DCBLD2: variants seen among roughly 807,000 people sequenced by gnomAD.
DCBLD2 encodes discoidin, CUB and LCCL domain containing 2.
Under a neutral mutation model 86.8 loss-of-function variants are expected in DCBLD2, and 54 were observed. The observed-to-expected ratio is 0.62, with a 90% CI of 0.50 to 0.78. The LOEUF (loss-of-function observed/expected upper bound fraction) is 0.78. Ranked by LOEUF, DCBLD2 falls within the 30% of genes least tolerant of loss-of-function variation. DCBLD2 has a pLI of 0.00. For missense variants in DCBLD2, 908 were observed against 954.2 expected, an observed-to-expected ratio of 0.95 and a Z score of 0.64; for synonymous variants, 354 against 341.3, an observed-to-expected ratio of 1.04 and a Z score of -0.41.
At chr3:98,868,669 AC>A (rs1488561964) in intron 2 of DCBLD2, among the ~76,000 whole-genome samples, 2 of 152,018 alleles carry the variant, frequency 1.3e-5, no homozygotes, top group Non-Finnish European at 2.9e-5. Context: ...TTATTTATCC[AC>A]AAGGTTAGTC....
chr3:98,836,894 G>T (rs1355787244), intron 3 of DCBLD2, among the ~76,000 whole-genome samples: 3 of 76,832 alleles, frequency 3.9e-5, no homozygotes, highest in African/African-American at 1.5e-4. Flanking sequence ...CCTCCCTCCC[G>T]GAGGGGGCGG....
chr3:98,833,261 T>G, intron 3 of DCBLD2, among the ~76,000 whole-genome samples: 1 of 152,216 alleles, frequency 6.6e-6, no homozygotes, highest in East Asian at 1.9e-4. Context: ...ATTCTTGTAG[T>G]GTGTTTTTCA....
chr3:98,849,338 C>A, intron 3 of DCBLD2, 123 bp downstream of exon 3: 1 of 1,197,498 alleles, frequency 8.4e-7, no homozygotes, highest in Non-Finnish European at 1.2e-6. Context: ...TATATATGTG[C>A]TATTAATTGT....
Position 98,882,131 on chromosome 3 carries a change from G to A in DCBLD2, c.206-364C>T, listed in dbSNP as rs553548194. On this transcript the variant is annotated intron_variant, in intron 1 of 15. Coordinates refer to ENST00000326840, the MANE Select transcript of DCBLD2 (RefSeq NM_080927.4). ...TTAACAAATCACAAGACCTGACATT[G>A]TTCTTAGTATATCTATTCACAGGAG... 2.4e-4 allele frequency among the ~76,000 whole-genome samples: 37 copies of A among 152,236 alleles called. No individual in the cohort carries two copies. In the South Asian group the frequency reaches 7.5e-3, roughly 31 times the overall value.
chr3:98,882,804 C>G (rs1367990398), intron 1 of DCBLD2, among the ~76,000 whole-genome samples: 3 of 152,184 alleles, frequency 2.0e-5, no homozygotes, highest in Non-Finnish European at 4.4e-5. Context: ...GCCACATTTT[C>G]TTTATCCAGT....
chr3:98,854,244 T>G (rs1157202443), intron 2 of DCBLD2, among the ~76,000 whole-genome samples: 1 of 152,196 alleles, frequency 6.6e-6, no homozygotes, highest in Non-Finnish European at 1.5e-5. Context: ...CCATAGATGC[T>G]ATCATTAAAT....
intron 2 of DCBLD2, among the ~76,000 whole-genome samples, chr3:98,871,521 T>G (rs1372687996): frequency 2.0e-5 from 3 of 152,184 alleles, no homozygotes; most frequent in Non-Finnish European, 4.4e-5. Flanking sequence ...ATGCTTTTTC[T>G]TCATCTACTG....
chr3:98,874,645 G>C (rs1943337443), intron 2 of DCBLD2, among the ~76,000 whole-genome samples: 1 of 152,164 alleles, frequency 6.6e-6, no homozygotes, highest in African/African-American at 2.4e-5. Context: ...AATATGACTA[G>C]AGTTGGAGTT....
intron 13 of DCBLD2, among the ~76,000 whole-genome samples, chr3:98,806,512 C>A (rs934904951): frequency 2.0e-5 from 3 of 152,194 alleles, no homozygotes; most frequent in Middle Eastern, 3.4e-3. Flanking sequence ...GCTTAGACAG[C>A]CTGTTCATGA....
In DCBLD2 at chr3:98,806,470, C is replaced by T. The variant is rs569475198; in HGVS notation, c.1670+1611G>A. 1.1e-4 allele frequency among the ~76,000 whole-genome samples: 17 copies of T among 152,116 alleles called. No homozygotes were observed. In the East Asian group the frequency reaches 3.1e-3, roughly 28 times the overall value. On this transcript the variant is annotated intron_variant, in intron 13 of 15. Transcript: ENST00000326840. ...AATTTCCTAAAGTCCTTTCCTTTCC[C>T]TATTGTTCTCATACTAATTTGCTGT...
intron 12 of DCBLD2, among the ~76,000 whole-genome samples, chr3:98,809,543 C>A (rs1941900251): frequency 6.6e-6 from 1 of 151,960 alleles, no homozygotes; most frequent in Non-Finnish European, 1.5e-5. Flanking sequence ...GTAGGCTCCA[C>A]AAAAAGGGAG....
intron 3 of DCBLD2, among the ~76,000 whole-genome samples, chr3:98,848,579 T>A (rs1158011618): frequency 6.6e-6 from 1 of 152,208 alleles, no homozygotes; most frequent in Non-Finnish European, 1.5e-5. Context: ...TGACTTACAC[T>A]CCCACAAACA....
chr3:98,900,964 T>C (rs956569130), intron 1 of DCBLD2, 158 bp downstream of exon 1: 4 of 1,299,520 alleles, frequency 3.1e-6, no homozygotes, highest in Non-Finnish European at 3.1e-6. Context: ...GGCAAGACCT[T>C]GCCTTTGCAA....
intron 13 of DCBLD2, among the ~76,000 whole-genome samples, chr3:98,807,142 C>A (rs1941855604): frequency 6.6e-6 from 1 of 152,172 alleles, no homozygotes; most frequent in Non-Finnish European, 1.5e-5. Flanking sequence ...CCAGACTGAA[C>A]CTCTATGGTT....
intron 2 of DCBLD2, among the ~76,000 whole-genome samples, chr3:98,861,281 C>G (rs1559790313): frequency 6.7e-6 from 1 of 149,200 alleles, no homozygotes; most frequent in African/African-American, 2.5e-5. Flanking sequence ...TAATGGGAGA[C>G]TTTTAACACC....
At chr3:98,840,741 G>A (rs1193066999) in intron 3 of DCBLD2, among the ~76,000 whole-genome samples, 1 of 152,082 alleles carries the variant, frequency 6.6e-6, no homozygotes, top group East Asian at 1.9e-4. Context: ...ATCCTCCCAC[G>A]TCAACCTCCC....
At chr3:98,815,968 A>G (rs1026127108) in intron 9 of DCBLD2, 1 of 151,652 alleles carries the variant, frequency 6.6e-6, no homozygotes, top group Non-Finnish European at 1.5e-5. Context: ...TTTGAAAAAA[A>G]AAGAACTACA....
In DCBLD2 at chr3:98,901,624, G is replaced by C. The variant is rs929198841; in HGVS notation, c.-298C>G. On this transcript the variant is annotated 5_prime_UTR_variant, in exon 1 of 16. Transcript: ENST00000326840. ...GGCGGAGCTAAGGAACGTGCCTCCC[G>C]CGCCGCGCTCCTCACCAGGGTCGCC... 4.2e-6 allele frequency: 1 copy of C among 236,276 alleles called. No homozygotes were observed. The highest frequency in any genetic ancestry group is 8.1e-6 in the Non-Finnish European group (1 of 123,112). The allele number at this position is 236,276 out of a possible 1,614,324, so 14.6% of individuals were successfully genotyped here. A position where few individuals can be genotyped will look rare whatever the true frequency, so the allele number is the denominator to read the frequency against.
chr3:98,867,490 A>G (rs981994590), intron 2 of DCBLD2, among the ~76,000 whole-genome samples: 2 of 152,192 alleles, frequency 1.3e-5, no homozygotes, highest in African/African-American at 4.8e-5. Flanking sequence ...AAAAATCATT[A>G]AATAAGAAGT....
Sources: gnomAD v4.1 joint callset for allele counts (sites outside exome capture counted in the v4.1 genomes callset) on GRCh38, gnomAD v4.1.1 for gene constraint, MANE v1.5 for transcripts, NCBI Gene and HGNC (gene_info 2026-07-23, HGNC 2026-07-21) for gene names.